The following SPTB variants were observed in gnomAD, a reference collection of about 807,000 sequenced individuals.
The protein encoded by SPTB is spectrin beta chain, erythrocytic.
Under a neutral mutation model 256.2 loss-of-function variants are expected in SPTB, and 45 were observed. The observed-to-expected ratio is 0.18, with a 90% CI of 0.14 to 0.23. SPTB has a LOEUF of 0.23. SPTB is among the 10% of genes least tolerant of loss of function. The probability of loss-of-function intolerance (pLI) is 1.00; values close to 1 mark genes in which losing one functional copy is unlikely to be tolerated. For synonymous variants in SPTB, 1,231 were observed against 1,243.1 expected (o/e 0.99, Z 0.21); for missense variants, 2,715 against 3,040.4 (o/e 0.89, Z 2.52).
intron 1 of SPTB, among the ~76,000 whole-genome samples, chr14:64,837,438 C>G (rs748729306): frequency 5.9e-5 from 9 of 151,974 alleles, no homozygotes; most frequent in Admixed American, 4.6e-4. Flanking sequence ...AAGAAAGAAA[C>G]CAAAGATCTA....
In SPTB at chr14:64,794,545, T is replaced by A; in HGVS notation, c.1717A>T (p.Met573Leu). The A allele has an allele frequency of 6.2e-7, 1 of 1,614,154 alleles. No homozygotes were observed. The highest frequency in any genetic ancestry group is 1.1e-5 in the South Asian group (1 of 91,082). ...CCTTGGATGGCGATGTCAGCTTCCA[T>A]CAACTTGTGCTTCTGTAGCAGGTCT... ...VEDLLQKHKLMEADIAIQGDK... is the reference protein window; with the variant it reads ...VEDLLQKHKLLEADIAIQGDK... The change falls in exon 13 of 36, where the codon ATG (methionine) becomes TTG (leucine). Residue 573 changes from methionine to leucine, a missense_variant. Met to Leu is a conservative substitution (Grantham distance 15). Transcript: ENST00000644917.
chr14:64,765,101 AG>A (rs1484837875), intron 32 of SPTB, among the ~76,000 whole-genome samples: 1 of 150,774 alleles, frequency 6.6e-6, no homozygotes, highest in Non-Finnish European at 1.5e-5. Flanking sequence ...TCTCTCTCAG[AG>A]GGTGAGAAGG....
At position 64,767,867 on chromosome 14, in the gene SPTB, G is replaced by A. The variant is rs56181906; in HGVS notation, c.6023-8C>T. The A allele has an allele frequency of 0.11, 185,055 of 1,613,082 alleles. 13,277 individuals carry two copies. The highest frequency in any genetic ancestry group is 0.34 in the African/African-American group (25,535 of 74,882). On this transcript the variant is annotated splice_polypyrimidine_tract_variant and splice_region_variant and intron_variant, in intron 29 of 35. Coordinates refer to ENST00000644917, the MANE Select transcript of SPTB (RefSeq NM_001355436.2). ...ACTGGCACACCTCCAGCACTGCCAG[G>A]GGGAACAGGACACAGACCCCCCACA...
intron 15 of SPTB, among the ~76,000 whole-genome samples, chr14:64,788,290 T>C (rs2082608504): frequency 6.6e-6 from 1 of 152,224 alleles, no homozygotes; most frequent in Non-Finnish European, 1.5e-5. Flanking sequence ...CATTCATCTT[T>C]GTACCCTGCC....
chr14:64,867,859 CAAAAAAAA>C (rs35825614), intron 1 of SPTB, among the ~76,000 whole-genome samples: 2 of 124,078 alleles, frequency 1.6e-5, no homozygotes, highest in East Asian at 3.4e-4. Flanking sequence ...GACTCTGTCT[CAAAAAAAA>C]AAAAAAAAAA....
chr14:64,805,017 G>A lies in SPTB; in HGVS notation c.222C>T (p.Arg74=), dbSNP rs185025279. ...GCAGGTCCTTGTAGAGATCGGTGATGCGGCAGGACACTCGAGCCAGGTGCG... is the reference window on the plus strand; with the variant it reads ...GCAGGTCCTTGTAGAGATCGGTGATACGGCAGGACACTCGAGCCAGGTGCG... ...VNSHLARVSC[R]ITDLYKDLRD... The change falls in exon 3 of 36, where the codon CGC becomes CGT. Residue 74 remains arginine (R), a synonymous_variant. Coordinates refer to ENST00000644917, the MANE Select transcript of SPTB (RefSeq NM_001355436.2). 126 of 1,613,834 alleles carry A rather than the reference G, an allele frequency of 7.8e-5. 1 individual carries two copies. In the Admixed American group the frequency reaches 9.8e-4, roughly 13 times the overall value.
rs150588808 is a variant in SPTB, at chr14:64,823,191, G to A, written c.-51-46C>T. 8.8e-6 allele frequency: 13 copies of A among 1,484,636 alleles called. No individual in the cohort carries two copies. Among genetic ancestry groups the A allele is most frequent in the Non-Finnish European group, 1.2e-5 (13 of 1,067,524 alleles). 92.0% of individuals were successfully genotyped at this position (1,484,636 alleles called of 1,614,324 possible). On this transcript the variant is annotated intron_variant, in intron 1 of 35. Coordinates refer to ENST00000644917, the MANE Select transcript of SPTB (RefSeq NM_001355436.2). The surrounding 1 kb of genome is among the most constrained non-coding windows in gnomAD (Gnocchi z 6.5). ...CAGAGGGTTATCTCTCTACCCCCTC[G>A]GACTTTTTCTCCGGGGAAACTTATT...
chr14:64,773,507 C>T, intron 24 of SPTB, 83 bp from the exon 25 acceptor site: 2 of 1,396,302 alleles, frequency 1.4e-6, no homozygotes, highest in Non-Finnish European at 2.0e-6. Context: ...CATATGCCAA[C>T]CACAGCCCCC....
At chr14:64,752,720 C>G (rs2081969664) in intron 33 of SPTB, among the ~76,000 whole-genome samples, 1 of 152,194 alleles carries the variant, frequency 6.6e-6, no homozygotes, top group African/African-American at 2.4e-5. Flanking sequence ...GCAATTGGGC[C>G]CCCAAATGGT....
In SPTB at chr14:64,844,781, G is replaced by C. The variant is rs1194725225; in HGVS notation, c.-51-21636C>G. Among the ~76,000 whole-genome samples the C allele has an allele frequency of 6.6e-6, 1 of 152,154 alleles. No individual in the cohort carries two copies. Among genetic ancestry groups the C allele is most frequent in the Non-Finnish European group, 1.5e-5 (1 of 68,022 alleles). ...CCCTATCCCATTTCTACTAAAAATA[G>C]CCCAACATTTCCAAAATACATCCAA... On this transcript the variant is annotated intron_variant, in intron 1 of 35. Transcript: ENST00000644917. The surrounding 1 kb of genome is among the most constrained non-coding windows in gnomAD (Gnocchi z 4.1).
intron 1 of SPTB, among the ~76,000 whole-genome samples, chr14:64,840,208 C>T (rs1435782942): frequency 1.3e-5 from 2 of 152,178 alleles, no homozygotes; most frequent in Admixed American, 6.5e-5. Flanking sequence ...AAAAGCTGTG[C>T]CTTTTCAGAA....
rs562451868 is a variant in SPTB, at chr14:64,879,737, A to G, written c.-52+55T>C. ...CCTTTGAGCTGGCGCCGCGCGTCCC[A>G]GCCTTGCGCACCCGCACCCAGCTCC... On this transcript the variant is annotated intron_variant, in intron 1 of 35. Transcript: ENST00000644917. 309 of 152,486 alleles carry G rather than the reference A, an allele frequency of 2.0e-3. No individual in the cohort carries two copies. In the Middle Eastern group the frequency reaches 0.041, roughly 20 times the overall value. 9.4% of individuals were successfully genotyped at this position (152,486 alleles called of 1,614,324 possible).
Position 64,775,436 on chromosome 14 carries a change from C to T in SPTB, c.4564-33G>A, listed in dbSNP as rs1375231798. 3 of 1,602,820 alleles carry T rather than the reference C, an allele frequency of 1.9e-6. No homozygotes were observed. Among genetic ancestry groups the T allele is most frequent in the East Asian group, 2.2e-5 (1 of 44,704 alleles). On this transcript the variant is annotated intron_variant, in intron 22 of 35. Coordinates refer to ENST00000644917, the MANE Select transcript of SPTB (RefSeq NM_001355436.2). This position sits in a 1 kb window ranked among gnomAD's most constrained non-coding sequence, Gnocchi z 5.0. ...CAGAAGGAAGGGCTCGGGGCAGGGC[C>T]TTCCCACCATGCGGGGGAGGCTGCT...
At position 64,825,099 on chromosome 14, in the gene SPTB, C is replaced by T. The variant is rs117698733; in HGVS notation, c.-51-1954G>A. ...TGGAGCACAGTTTATCCCCCTTGAT[C>T]GGACAGGTTTCAGGAGGGCAGCTGG... On this transcript the variant is annotated intron_variant, in intron 1 of 35. Coordinates refer to ENST00000644917, the MANE Select transcript of SPTB (RefSeq NM_001355436.2). The surrounding 1 kb of genome is among the most constrained non-coding windows in gnomAD (Gnocchi z 4.8). Among the ~76,000 whole-genome samples, 2,953 of 151,214 alleles carry T rather than the reference C, an allele frequency of 0.02. 44 individuals carry two copies. Among genetic ancestry groups the T allele is most frequent in the Middle Eastern group, 0.038 (11 of 288 alleles).
In SPTB at chr14:64,749,049, G is replaced by T. The variant is rs149576500; in HGVS notation, c.*257C>A. On this transcript the variant is annotated 3_prime_UTR_variant, in exon 36 of 36. Coordinates refer to ENST00000644917, the MANE Select transcript of SPTB (RefSeq NM_001355436.2). The surrounding 1 kb of genome is among the most constrained non-coding windows in gnomAD (Gnocchi z 4.7). ...AGAACCGTTTCCTGCCCCCAGGCCT[G>T]GAGGCCCCAAAGGCGCCAGAGGAGC... The T allele has an allele frequency of 6.7e-4, 280 of 415,244 alleles. No individual in the cohort carries two copies. Among genetic ancestry groups the T allele is most frequent in the African/African-American group, 5.6e-3 (258 of 45,752 alleles). 25.7% of individuals were successfully genotyped at this position (415,244 alleles called of 1,614,324 possible).
chr14:64,793,849 G>T lies in SPTB; in HGVS notation c.1814C>A (p.Pro605His), dbSNP rs772895139. 2 of 1,606,622 alleles carry T rather than the reference G, an allele frequency of 1.2e-6. No homozygotes were observed. The highest frequency in any genetic ancestry group is 1.7e-6 in the Non-Finnish European group (2 of 1,179,424). Reference protein sequence around the residue: ...TEGKGYQPCDPQVIQDRISHL... With the variant: ...TEGKGYQPCDHQVIQDRISHL... ...GCTGATGCGGTCCTGGATGACCTGG[G>T]GGTCACAAGGCTGGTACCCTGGAAG... The change falls in exon 14 of 36, where the codon CCC becomes CAC. Residue 605 changes from proline to histidine, a missense_variant. Coordinates refer to ENST00000644917, the MANE Select transcript of SPTB (RefSeq NM_001355436.2). The surrounding 1 kb of genome is among the most constrained non-coding windows in gnomAD (Gnocchi z 7.0).
Position 64,792,405 on chromosome 14 carries a change from A to C in SPTB, c.2667-549T>G, listed in dbSNP as rs2082689260. ...GCCCAGGACTCTCCAGCATCAGTGCAGCACCACCTTGGCACTGTTCCAGAG... is the reference window on the plus strand; with the variant it reads ...GCCCAGGACTCTCCAGCATCAGTGCCGCACCACCTTGGCACTGTTCCAGAG... On this transcript the variant is annotated intron_variant, in intron 14 of 35. Coordinates refer to ENST00000644917, the MANE Select transcript of SPTB (RefSeq NM_001355436.2). The surrounding 1 kb of genome is among the most constrained non-coding windows in gnomAD (Gnocchi z 4.2). Among the ~76,000 whole-genome samples the C allele has an allele frequency of 6.6e-6, 1 of 152,230 alleles. No homozygotes were observed. The highest frequency in any genetic ancestry group is 2.1e-4 in the South Asian group (1 of 4,832).
In SPTB at chr14:64,746,833, G is replaced by A. The variant is rs1594725912; in HGVS notation, c.*2473C>T. 1 of 152,476 alleles carries A rather than the reference G, an allele frequency of 6.6e-6. No homozygotes were observed. The highest frequency in any genetic ancestry group is 2.1e-4 in the South Asian group (1 of 4,808). 9.4% of individuals were successfully genotyped at this position (152,476 alleles called of 1,614,324 possible). A position where few individuals can be genotyped will look rare whatever the true frequency, so the allele number is the denominator to read the frequency against. On this transcript the variant is annotated 3_prime_UTR_variant, in exon 36 of 36. Transcript: ENST00000644917. This position sits in a 1 kb window ranked among gnomAD's most constrained non-coding sequence, Gnocchi z 4.9. ...AAGCCTGGTATGCTGGTGTGGACTG[G>A]AGCTGTGTCAACCTCGTTTGGGAAT...
chr14:64,878,050 A>G (rs1043918115), intron 1 of SPTB, among the ~76,000 whole-genome samples: 1 of 152,210 alleles, frequency 6.6e-6, no homozygotes, highest in African/African-American at 2.4e-5. Context: ...TTACAATTCC[A>G]TGAGTGGACT....
Sources: allele counts gnomAD v4.1 joint callset (sites outside exome capture counted in the v4.1 genomes callset), GRCh38; gene constraint gnomAD v4.1.1; non-coding constraint Gnocchi (gnomAD v3.1); transcripts MANE v1.5; gene names NCBI Gene and HGNC (gene_info 2026-07-23, HGNC 2026-07-21).